The following RBFOX1 variants were observed in gnomAD, a reference collection of about 807,000 sequenced individuals.
The protein encoded by RBFOX1 is RNA binding protein fox-1 homolog 1.
RBFOX1 carries 8 observed loss-of-function variants against 57.7 expected under a neutral mutation model. The ratio of observed to expected loss-of-function variants is 0.14; its 90% CI spans 0.08 to 0.25. RBFOX1 has a LOEUF of 0.25. Ranked by LOEUF, RBFOX1 falls within the 10% of genes least tolerant of loss-of-function variation. RBFOX1 has a pLI of 1.00. For synonymous variants in RBFOX1, 326 were observed against 222.4 expected (o/e 1.47, Z -4.15); for missense variants, 611 against 548.5 (o/e 1.11, Z -1.14).
intron 1 of RBFOX1, among the ~76,000 whole-genome samples, chr16:6,211,993 G>A (rs1206117758): frequency 2.0e-5 from 3 of 152,014 alleles, no homozygotes; most frequent in Non-Finnish European, 4.4e-5. Context: ...AGGATTACAG[G>A]CACACAGCGC....
At chr16:6,526,890 T>C (rs2096588347) in intron 2 of RBFOX1, among the ~76,000 whole-genome samples, 1 of 126,148 alleles carries the variant, frequency 7.9e-6, no homozygotes, top group Non-Finnish European at 1.6e-5. Context: ...CTCTAAGAGG[T>C]AGGTATTATT....
chr16:6,153,636 A>T (rs11861715), intron 1 of RBFOX1, among the ~76,000 whole-genome samples: 1,930 of 152,182 alleles, frequency 0.013, 37 homozygotes, highest in African/African-American at 0.044. Flanking sequence ...CCCGGGTTCA[A>T]GTGATTCTCC....
At chr16:7,415,010 A>T (rs1244217373) in intron 4 of RBFOX1, among the ~76,000 whole-genome samples, 1 of 152,252 alleles carries the variant, frequency 6.6e-6, no homozygotes, top group Non-Finnish European at 1.5e-5. Flanking sequence ...TTATATGATC[A>T]CATAGTGAAT....
chr16:5,905,556 T>A (rs1418648230), intron 4 of RBFOX1, among the ~76,000 whole-genome samples: 1 of 151,940 alleles, frequency 6.6e-6, no homozygotes, highest in Admixed American at 6.6e-5. Context: ...TACAAAAAAA[T>A]GCAAAAACTG....
At chr16:6,895,017 T>C (rs547095961) in intron 3 of RBFOX1, among the ~76,000 whole-genome samples, 157 of 152,314 alleles carry the variant, frequency 1.0e-3, no homozygotes, top group African/African-American at 3.6e-3. Context: ...AACGTCAGTC[T>C]AGTTCATCCT....
At chr16:7,291,100 A>G (rs148672916) in intron 4 of RBFOX1, among the ~76,000 whole-genome samples, 10 of 152,330 alleles carry the variant, frequency 6.6e-5, no homozygotes, top group South Asian at 2.1e-4. Context: ...TGCACTGGGC[A>G]TAAGTGATTA....
chr16:7,080,093 A>G (rs1469291483), intron 4 of RBFOX1, among the ~76,000 whole-genome samples: 1 of 145,442 alleles, frequency 6.9e-6, no homozygotes, highest in Non-Finnish European at 1.5e-5. Flanking sequence ...GTATATATGT[A>G]TATATATATA....
intron 4 of RBFOX1, among the ~76,000 whole-genome samples, chr16:7,090,624 T>C (rs1448282334): frequency 6.6e-6 from 1 of 152,186 alleles, no homozygotes; most frequent in Non-Finnish European, 1.5e-5. Context: ...CAAAAATAAA[T>C]TTTGTAGTTT....
At chr16:6,340,499 G>C (rs1171197098) in intron 2 of RBFOX1, among the ~76,000 whole-genome samples, 1 of 152,202 alleles carries the variant, frequency 6.6e-6, no homozygotes, top group Admixed American at 6.5e-5. Flanking sequence ...CTGTTTTTAT[G>C]ATTATTTCTT....
intron 3 of RBFOX1, among the ~76,000 whole-genome samples, chr16:6,807,896 TTGTG>T (rs35350222): frequency 0.45 from 66,504 of 148,294 alleles, 15,204 homozygotes; most frequent in Non-Finnish European, 0.5. Flanking sequence ...ATATATATTA[TTGTG>T]TGTGTGTGTG....
intron 2 of RBFOX1, among the ~76,000 whole-genome samples, chr16:6,458,602 C>G (rs753748073): frequency 6.6e-6 from 1 of 152,190 alleles, no homozygotes; most frequent in African/African-American, 2.4e-5. Context: ...TAACTGACAT[C>G]CAGTATCGTT....
chr16:7,059,759 G>A (rs911794330), intron 4 of RBFOX1, among the ~76,000 whole-genome samples: 1 of 152,086 alleles, frequency 6.6e-6, no homozygotes, highest in Non-Finnish European at 1.5e-5. Context: ...CTCTTCACCC[G>A]TTGCAGTGTC....
chr16:6,448,307 G>A (rs560309554), intron 2 of RBFOX1, among the ~76,000 whole-genome samples: 2 of 151,564 alleles, frequency 1.3e-5, no homozygotes, highest in East Asian at 1.9e-4. Flanking sequence ...TTACAGGTGT[G>A]TGCCACCACA....
chr16:7,704,354 C>G (rs2081736408), intron 14 of RBFOX1, among the ~76,000 whole-genome samples: 1 of 152,144 alleles, frequency 6.6e-6, no homozygotes, highest in African/African-American at 2.4e-5. Context: ...GGCAACTTGG[C>G]CAGTGTTTTG....
downstream of RBFOX1, chr16:5,601,351 T>C (rs1276711126): frequency 6.6e-6 from 1 of 152,376 alleles, no homozygotes; most frequent in African/African-American, 2.4e-5. Context: ...CAGGACATGG[T>C]GGATGGTGTC....
chr16:6,826,564 G>A (rs1028087795), intron 3 of RBFOX1, among the ~76,000 whole-genome samples: 5 of 152,142 alleles, frequency 3.3e-5, no homozygotes, highest in African/African-American at 9.7e-5. Context: ...TTGCGGGCAT[G>A]CGTGCTCTCA....
intron 4 of RBFOX1, among the ~76,000 whole-genome samples, chr16:7,346,267 C>A (rs1416126526): frequency 6.6e-6 from 1 of 151,908 alleles, no homozygotes; most frequent in African/African-American, 2.4e-5. Flanking sequence ...TGCCCCTGGG[C>A]CACATGGGAC....
intron 4 of RBFOX1, among the ~76,000 whole-genome samples, chr16:7,098,791 A>G (rs1361415042): frequency 2.0e-5 from 3 of 152,130 alleles, no homozygotes; most frequent in Non-Finnish European, 4.4e-5. Flanking sequence ...GTCTATCTTT[A>G]AAATAAATAA....
chr16:6,509,086 ATTTTAT>A (rs1200785076), intron 2 of RBFOX1, among the ~76,000 whole-genome samples: 1 of 152,132 alleles, frequency 6.6e-6, no homozygotes, highest in Non-Finnish European at 1.5e-5. Flanking sequence ...GAAAAGACTG[ATTTTAT>A]TTCAAAGGAG....
Sources: gnomAD v4.1 joint callset for allele counts (sites outside exome capture counted in the v4.1 genomes callset) on GRCh38, gnomAD v4.1.1 for gene constraint, MANE v1.5 for transcripts, NCBI Gene and HGNC (gene_info 2026-07-23, HGNC 2026-07-21) for gene names.